Variants in NBEA observed in about 807,000 individuals in gnomAD.
The protein encoded by NBEA is neurobeachin.
Under a neutral mutation model 343.4 loss-of-function variants are expected in NBEA, and 44 were observed. The observed-to-expected ratio is 0.13, with a 90% CI of 0.10 to 0.16. The LOEUF (loss-of-function observed/expected upper bound fraction) is 0.16, where lower values mean the gene tolerates loss of function less well. Among genes scored for constraint, NBEA ranks in the 10% least tolerant of loss-of-function variants. The pLI is 1.00. For missense variants in NBEA, 2,555 were observed against 3,631.3 expected, an observed-to-expected ratio of 0.70 and a Z score of 7.62; for synonymous variants, 1,175 against 1,238.7, an observed-to-expected ratio of 0.95 and a Z score of 1.08.
intron 1 of NBEA, among the ~76,000 whole-genome samples, chr13:35,018,908 G>A (rs1255749951): frequency 1.3e-5 from 2 of 152,080 alleles, no homozygotes; most frequent in Non-Finnish European, 2.9e-5. Context: ...TGAATATCTG[G>A]TTGAGGAAAT....
At chr13:35,090,564 C>G (rs2065030760) in intron 10 of NBEA, among the ~76,000 whole-genome samples, 1 of 151,792 alleles carries the variant, frequency 6.6e-6, no homozygotes, top group African/African-American at 2.4e-5. Context: ...GGTGGCATAG[C>G]AGTATTAAAC....
chr13:34,972,845 A>C (rs991112224), intron 1 of NBEA, among the ~76,000 whole-genome samples: 1 of 152,070 alleles, frequency 6.6e-6, no homozygotes, highest in African/African-American at 2.4e-5. Flanking sequence ...CCTTTCAGCC[A>C]TCTCAGCCTC....
chr13:34,959,642 G>C (rs2059599563), intron 1 of NBEA, among the ~76,000 whole-genome samples: 1 of 152,092 alleles, frequency 6.6e-6, no homozygotes, highest in Non-Finnish European at 1.5e-5. Flanking sequence ...ATTTCCATAA[G>C]TGTCATAGGG....
intron 24 of NBEA, among the ~76,000 whole-genome samples, chr13:35,166,652 C>G (rs939883550): frequency 6.6e-6 from 1 of 152,028 alleles, no homozygotes; most frequent in South Asian, 2.1e-4. Flanking sequence ...ATAGCCGAAC[C>G]TTTCTCCCAT....
chr13:34,956,655 T>C (rs1421813036), intron 1 of NBEA, among the ~76,000 whole-genome samples: 1 of 152,196 alleles, frequency 6.6e-6, no homozygotes, highest in Non-Finnish European at 1.5e-5. Flanking sequence ...AATTTCTTTG[T>C]GATAAGAACA....
At chr13:35,316,825 A>G (rs1263395201) in intron 36 of NBEA, among the ~76,000 whole-genome samples, 1 of 152,108 alleles carries the variant, frequency 6.6e-6, no homozygotes, top group Non-Finnish European at 1.5e-5. Flanking sequence ...ATGGTATCTC[A>G]TTGTGATTTT....
intron 38 of NBEA, among the ~76,000 whole-genome samples, chr13:35,392,399 T>C (rs2042545598): frequency 6.6e-6 from 1 of 151,982 alleles, no homozygotes; most frequent in African/African-American, 2.4e-5. Flanking sequence ...CTGAAGTATG[T>C]AAATTTTGTA....
chr13:35,251,771 C>T, intron 34 of NBEA: 1 of 199,244 alleles, frequency 5.0e-6, no homozygotes, highest in Non-Finnish European at 1.0e-5. Flanking sequence ...CGTTGCTTAC[C>T]AGCTCTTGTG....
intron 16 of NBEA, among the ~76,000 whole-genome samples, chr13:35,118,734 T>A (rs2066635120): frequency 6.6e-6 from 1 of 152,082 alleles, no homozygotes; most frequent in Non-Finnish European, 1.5e-5. Context: ...AGAGCATTTT[T>A]TTTTCCAAGA....
At chr13:35,286,144 T>A (rs2035409886) in intron 34 of NBEA, among the ~76,000 whole-genome samples, 1 of 152,114 alleles carries the variant, frequency 6.6e-6, no homozygotes, top group Non-Finnish European at 1.5e-5. Context: ...CTATCATGAT[T>A]ATTTGCTTAT....
intron 10 of NBEA, among the ~76,000 whole-genome samples, chr13:35,087,289 G>A (rs948969711): frequency 3.9e-5 from 6 of 151,916 alleles, no homozygotes; most frequent in African/African-American, 1.2e-4. Flanking sequence ...TCTAGGAAGA[G>A]ATTTCATGTC....
chr13:35,498,062 T>C (rs2076747747), intron 41 of NBEA, among the ~76,000 whole-genome samples: 2 of 152,050 alleles, frequency 1.3e-5, no homozygotes, highest in African/African-American at 2.4e-5. Flanking sequence ...AATTCTATTC[T>C]TTAAAGGTCA....
chr13:35,266,905 T>A (rs1024282044), intron 34 of NBEA, among the ~76,000 whole-genome samples: 1 of 151,982 alleles, frequency 6.6e-6, no homozygotes, highest in Non-Finnish European at 1.5e-5. Flanking sequence ...TAGCCTTCTA[T>A]TGACAGGAAG....
At chr13:35,469,583 G>T (rs2075550200) in intron 40 of NBEA, among the ~76,000 whole-genome samples, 1 of 152,130 alleles carries the variant, frequency 6.6e-6, no homozygotes, top group African/African-American at 2.4e-5. Flanking sequence ...ATAGGAAGAG[G>T]TTTGTCTTAT....
chr13:35,116,394 A>G (rs1288003894), intron 13 of NBEA, among the ~76,000 whole-genome samples: 1 of 152,094 alleles, frequency 6.6e-6, no homozygotes, highest in Non-Finnish European at 1.5e-5. Context: ...TACATTGGCA[A>G]TATTTTACAA....
At chr13:35,292,528 C>T (rs2035867287) in intron 35 of NBEA, among the ~76,000 whole-genome samples, 1 of 151,938 alleles carries the variant, frequency 6.6e-6, no homozygotes, top group Admixed American at 6.6e-5. Context: ...GTTCTGTAGG[C>T]CGTCTTTGTG....
intron 1 of NBEA, among the ~76,000 whole-genome samples, chr13:35,018,750 T>G (rs947443469): frequency 6.6e-6 from 1 of 152,180 alleles, no homozygotes; most frequent in Non-Finnish European, 1.5e-5. Flanking sequence ...TCTTCCTGTT[T>G]TGCATTTGGT....
intron 39 of NBEA, among the ~76,000 whole-genome samples, chr13:35,441,512 T>G (rs1331312956): frequency 6.6e-6 from 1 of 152,138 alleles, no homozygotes; most frequent in African/African-American, 2.4e-5. Context: ...ATATCCCAAA[T>G]GAAGGCCATG....
chr13:35,072,798 A>G (rs1022626019), intron 10 of NBEA, among the ~76,000 whole-genome samples: 7 of 152,012 alleles, frequency 4.6e-5, no homozygotes, highest in Non-Finnish European at 1.0e-4. Flanking sequence ...CCTGACCTCA[A>G]GTGATTCACC....
Sources: gnomAD v4.1 joint callset for allele counts (sites outside exome capture counted in the v4.1 genomes callset) on GRCh38, gnomAD v4.1.1 for gene constraint, MANE v1.5 for transcripts, NCBI Gene and HGNC (gene_info 2026-07-23, HGNC 2026-07-21) for gene names.